SNX29: variants seen among roughly 807,000 people sequenced by gnomAD.
SNX29 encodes sorting nexin-29.
A neutral mutation model predicts 102.1 loss-of-function variants in SNX29; 78 were observed. The observed-to-expected ratio is 0.76, with a 90% CI of 0.64 to 0.92. SNX29 has a LOEUF of 0.92. SNX29 is among the 40% of genes least tolerant of loss of function. The probability of loss-of-function intolerance (pLI) is 0.00; values close to 1 mark genes in which losing one functional copy is unlikely to be tolerated. For synonymous variants in SNX29, 580 were observed against 414.5 expected (o/e 1.40, Z -4.85); for missense variants, 1,280 against 1,061.7 (o/e 1.21, Z -2.86).
chr16:12,296,761 T>TA (rs2079994894), intron 15 of SNX29, among the ~76,000 whole-genome samples: 1 of 152,242 alleles, frequency 6.6e-6, no homozygotes, highest in Admixed American at 6.5e-5. Context: ...AGGCAATAGA[T>TA]ACATTTACTG....
chr16:12,390,306 A>G (rs939173942), intron 16 of SNX29, among the ~76,000 whole-genome samples: 2 of 152,064 alleles, frequency 1.3e-5, no homozygotes, highest in Non-Finnish European at 2.9e-5. Context: ...TAAATCCCTC[A>G]TAGGTTTCCC....
chr16:12,158,387 AT>A (rs2055644440), intron 13 of SNX29, among the ~76,000 whole-genome samples: 1 of 151,998 alleles, frequency 6.6e-6, no homozygotes, highest in Admixed American at 6.6e-5. Context: ...TTTAGTAGAG[AT>A]GAGGGTTCAC....
At chr16:12,136,087 G>A (rs1393759847) in intron 13 of SNX29, among the ~76,000 whole-genome samples, 2 of 152,224 alleles carry the variant, frequency 1.3e-5, no homozygotes, top group African/African-American at 4.8e-5. Context: ...CCAGCCTTGC[G>A]GTTACTCTCC....
At chr16:12,217,645 A>G (rs1457840697) in intron 14 of SNX29, among the ~76,000 whole-genome samples, 1 of 152,200 alleles carries the variant, frequency 6.6e-6, no homozygotes, top group African/African-American at 2.4e-5. Context: ...AGCTGCTTTT[A>G]GTCCCATGCT....
chr16:12,033,742 G>T (rs940269733), intron 4 of SNX29, among the ~76,000 whole-genome samples: 1 of 152,040 alleles, frequency 6.6e-6, no homozygotes, highest in South Asian at 2.1e-4. Context: ...GAGTAGCTGC[G>T]ATTACAGGTG....
In SNX29 at chr16:11,987,683, G is replaced by C. The variant is rs562881264; in HGVS notation, c.7+10870G>C. On this transcript the variant is annotated intron_variant, in intron 1 of 20. Transcript: ENST00000566228. ...GTGCTGGGATTACAGGCGTGAGCCAGCATGCCTGATTCTGACTCTTACTCT... is the reference window on the plus strand; with the variant it reads ...GTGCTGGGATTACAGGCGTGAGCCACCATGCCTGATTCTGACTCTTACTCT... 3.3e-5 allele frequency among the ~76,000 whole-genome samples: 5 copies of C among 152,164 alleles called. No individual in the cohort carries two copies. In the East Asian group the frequency reaches 9.7e-4, roughly 29 times the overall value.
At chr16:12,402,773 T>G (rs937953453) in intron 17 of SNX29, among the ~76,000 whole-genome samples, 2 of 152,196 alleles carry the variant, frequency 1.3e-5, no homozygotes, top group African/African-American at 4.8e-5. Context: ...GCATTTGAAT[T>G]TAAACCTTGG....
intron 18 of SNX29, among the ~76,000 whole-genome samples, chr16:12,452,084 AGGGTGCTG>A (rs1264707704): frequency 6.6e-6 from 1 of 152,170 alleles, no homozygotes; most frequent in Non-Finnish European, 1.5e-5. Context: ...TCTGTGGGAT[AGGGTGCTG>A]GACCCACCCT....
intron 18 of SNX29, among the ~76,000 whole-genome samples, chr16:12,414,103 A>T (rs1488722156): frequency 2.0e-5 from 3 of 152,230 alleles, no homozygotes; most frequent in East Asian, 3.8e-4. Context: ...ATGACAAGAT[A>T]AAAGTGTGTG....
chr16:12,199,520 ACCAC>A, intron 13 of SNX29, 77 bp from the exon 14 acceptor site: 1 of 1,211,610 alleles, frequency 8.3e-7, no homozygotes, highest in Non-Finnish European at 1.2e-6. Context: ...ACACAAATTC[ACCAC>A]CCACCCCTGC....
intron 20 of SNX29, among the ~76,000 whole-genome samples, chr16:12,545,897 C>A (rs1437265133): frequency 6.6e-6 from 1 of 152,068 alleles, no homozygotes; most frequent in Non-Finnish European, 1.5e-5. Context: ...GGGTGGGGTA[C>A]CTGGAGCATT....
chr16:12,088,259 C>A, intron 11 of SNX29: 1 of 384,408 alleles, frequency 2.6e-6, no homozygotes, highest in Non-Finnish European at 5.2e-6. Context: ...GCAGCGGGAC[C>A]GGCTCTGCGG....
At chr16:12,254,389 G>A (rs1452622487) in intron 14 of SNX29, among the ~76,000 whole-genome samples, 2 of 152,088 alleles carry the variant, frequency 1.3e-5, no homozygotes, top group Non-Finnish European at 2.9e-5. Context: ...AGTGGCTCAC[G>A]CCTGTAATGC....
chr16:12,204,066 C>A (rs972077543), intron 14 of SNX29, among the ~76,000 whole-genome samples: 1 of 152,308 alleles, frequency 6.6e-6, no homozygotes, highest in East Asian at 1.9e-4. Flanking sequence ...TCCTGTTAGG[C>A]TGGGAGACTG....
chr16:12,194,080 G>C (rs1596475215), intron 13 of SNX29, among the ~76,000 whole-genome samples: 1 of 152,140 alleles, frequency 6.6e-6, no homozygotes, highest in East Asian at 1.9e-4. Flanking sequence ...CAATTTTGGG[G>C]AAATTGACAT....
chr16:12,314,048 C>G (rs749977151), intron 15 of SNX29, among the ~76,000 whole-genome samples: 1 of 152,256 alleles, frequency 6.6e-6, no homozygotes, highest in African/African-American at 2.4e-5. Flanking sequence ...CATAGTCGTG[C>G]ACTCACAGCT....
chr16:12,419,571 C>CCG (rs1555532610), intron 18 of SNX29, among the ~76,000 whole-genome samples: 1 of 151,770 alleles, frequency 6.6e-6, no homozygotes, highest in East Asian at 1.9e-4. Flanking sequence ...AGCCCCCCCC[C>CCG]CCATCTTTCT....
rs76578081 is a variant in SNX29 at position 12,447,334 on chromosome 16, G to C, written c.2038-30385G>C. Among the ~76,000 whole-genome samples the C allele has an allele frequency of 8.2e-3, 1,254 of 152,158 alleles. 22 individuals carry two copies. Among genetic ancestry groups the C allele is most frequent in the African/African-American group, 0.028 (1,176 of 41,524 alleles). Reference sequence around the variant, plus strand: ...TCTGTCTTACCTTTTTCTGCAGATGGACAAAAGTATACATGATGGATTTTT... The same window carrying C: ...TCTGTCTTACCTTTTTCTGCAGATGCACAAAAGTATACATGATGGATTTTT... On this transcript the variant is annotated intron_variant, in intron 18 of 20. Transcript: ENST00000566228.
chr16:12,067,542 C>T (rs2051091774), intron 9 of SNX29, among the ~76,000 whole-genome samples: 1 of 152,208 alleles, frequency 6.6e-6, no homozygotes, highest in South Asian at 2.1e-4. Flanking sequence ...GGCTGGAGTG[C>T]AGTGACGTAA....
Sources: allele counts gnomAD v4.1 joint callset (sites outside exome capture counted in the v4.1 genomes callset), GRCh38; gene constraint gnomAD v4.1.1; transcripts MANE v1.5; gene names NCBI Gene and HGNC (gene_info 2026-07-23, HGNC 2026-07-21).